Variants in BICC1 observed in about 807,000 individuals in gnomAD.
The protein encoded by BICC1 is protein bicaudal C homolog 1.
BICC1 carries 43 observed loss-of-function variants against 111.0 expected under a neutral mutation model. That is an observed-to-expected ratio of 0.39 (90% CI 0.30 to 0.50). BICC1 has a LOEUF of 0.50. Ranked by LOEUF, BICC1 falls within the 20% of genes least tolerant of loss-of-function variation. The pLI is 0.88. For synonymous variants in BICC1, 467 were observed against 434.4 expected, an observed-to-expected ratio of 1.07 and a Z score of -0.93; for missense variants, 1,091 against 1,203.2, an observed-to-expected ratio of 0.91 and a Z score of 1.38.
chr10:58,564,508 G>A (rs562228444), intron 1 of BICC1, among the ~76,000 whole-genome samples: 16 of 152,346 alleles, frequency 1.1e-4, no homozygotes, highest in African/African-American at 3.8e-4. Flanking sequence ...CAGTGAGCAA[G>A]AGGTTGATTT....
chr10:58,651,060 C>T (rs970308257), intron 2 of BICC1, among the ~76,000 whole-genome samples: 4 of 152,082 alleles, frequency 2.6e-5, no homozygotes, highest in East Asian at 1.9e-4. Context: ...CTTTTGTAGA[C>T]GATGAGGAAT....
intron 7 of BICC1, 44 bp downstream of exon 7, chr10:58,789,500 A>G: frequency 6.5e-7 from 1 of 1,540,060 alleles, no homozygotes; most frequent in Non-Finnish European, 8.8e-7. Flanking sequence ...TGTACAAGTT[A>G]CATGAGTTTC....
chr10:58,687,676 G>A (rs542303471), intron 2 of BICC1, among the ~76,000 whole-genome samples: 11 of 152,336 alleles, frequency 7.2e-5, no homozygotes, highest in African/African-American at 2.2e-4. Flanking sequence ...AGCCTGGCAC[G>A]GGATATAATC....
intron 1 of BICC1, among the ~76,000 whole-genome samples, chr10:58,528,377 A>G (rs1237514812): frequency 6.6e-6 from 1 of 151,918 alleles, no homozygotes; most frequent in African/African-American, 2.4e-5. Context: ...AGCGAGGTTA[A>G]TGTTAATTAT....
At position 58,610,563 on chromosome 10, in the gene BICC1, A is replaced by G. The variant is rs77725717; in HGVS notation, c.191-10292A>G. ...CTCAAAGGATGTCTTGGATGGTTCA[A>G]TTATTGGCCCATCCTCTTGTCCCAA... On this transcript the variant is annotated intron_variant, in intron 1 of 20. Transcript: ENST00000373886. Among the ~76,000 whole-genome samples the G allele has an allele frequency of 2.3e-3, 355 of 151,914 alleles. 4 individuals are homozygous for G. The highest frequency in any genetic ancestry group is 7.9e-3 in the African/African-American group (328 of 41,430).
chr10:58,709,955 G>A (rs1840521895), intron 3 of BICC1, among the ~76,000 whole-genome samples: 1 of 152,132 alleles, frequency 6.6e-6, no homozygotes, highest in African/African-American at 2.4e-5. Flanking sequence ...CAGCCTCCTG[G>A]TAGACCTCCA....
intron 1 of BICC1, among the ~76,000 whole-genome samples, chr10:58,615,409 C>T (rs1281414111): frequency 6.6e-6 from 1 of 152,118 alleles, no homozygotes; most frequent in Non-Finnish European, 1.5e-5. Flanking sequence ...AGTGCAGGCT[C>T]CCAACTCCAC....
At chr10:58,534,430 C>T (rs942050766) in intron 1 of BICC1, among the ~76,000 whole-genome samples, 1 of 151,718 alleles carries the variant, frequency 6.6e-6, no homozygotes, top group Non-Finnish European at 1.5e-5. Flanking sequence ...ATCACTACTA[C>T]AACGAGCATC....
intron 3 of BICC1, among the ~76,000 whole-genome samples, chr10:58,718,742 A>ATGTGTGTG (rs371273354): frequency 0.04 from 5,973 of 148,434 alleles, 253 homozygotes; most frequent in African/African-American, 0.11. Context: ...TAGCATGGAA[A>ATGTGTGTG]TGTGTGTGTG....
chr10:58,676,871 T>G (rs1406946516), intron 2 of BICC1, among the ~76,000 whole-genome samples: 1 of 152,200 alleles, frequency 6.6e-6, no homozygotes, highest in Non-Finnish European at 1.5e-5. Context: ...TAATTTTTGC[T>G]GTTCTGCAGC....
intron 3 of BICC1, among the ~76,000 whole-genome samples, chr10:58,743,685 C>A (rs912879590): frequency 6.6e-6 from 1 of 151,928 alleles, no homozygotes; most frequent in Non-Finnish European, 1.5e-5. Context: ...TGCTAGGCAG[C>A]AGAATCCCCC....
At chr10:58,774,129 A>G (rs571689347) in intron 3 of BICC1, among the ~76,000 whole-genome samples, 2 of 152,192 alleles carry the variant, frequency 1.3e-5, no homozygotes, top group African/African-American at 4.8e-5. Flanking sequence ...AGTTAACCCC[A>G]TCATTACGTA....
At chr10:58,532,610 A>G (rs565357767) in intron 1 of BICC1, among the ~76,000 whole-genome samples, 1 of 151,994 alleles carries the variant, frequency 6.6e-6, no homozygotes, top group Admixed American at 6.6e-5. Flanking sequence ...GACCATCCAC[A>G]TCAATTTATG....
At chr10:58,672,103 A>G (rs1839202246) in intron 2 of BICC1, among the ~76,000 whole-genome samples, 1 of 152,174 alleles carries the variant, frequency 6.6e-6, no homozygotes, top group Non-Finnish European at 1.5e-5. Flanking sequence ...CATGAAATTT[A>G]CCATTTTAAC....
intron 2 of BICC1, among the ~76,000 whole-genome samples, chr10:58,641,084 A>G (rs1473741649): frequency 6.6e-6 from 1 of 152,214 alleles, no homozygotes; most frequent in African/African-American, 2.4e-5. Flanking sequence ...ACAATAATAC[A>G]TTCCTTAGAG....
intron 1 of BICC1, among the ~76,000 whole-genome samples, chr10:58,530,910 C>G (rs1418103996): frequency 2.0e-5 from 3 of 151,742 alleles, no homozygotes; most frequent in African/African-American, 7.3e-5. Context: ...AATATGTGGT[C>G]CAATAAAGCC....
chr10:58,693,408 T>C (rs961956829), intron 2 of BICC1, among the ~76,000 whole-genome samples: 2 of 152,206 alleles, frequency 1.3e-5, no homozygotes, highest in Non-Finnish European at 2.9e-5. Flanking sequence ...ATGGTATTTC[T>C]AGTTCTAGAT....
Position 58,685,480 on chromosome 10 carries a change from C to T in BICC1, c.238-16594C>T, listed in dbSNP as rs1304399871. 1.3e-4 allele frequency among the ~76,000 whole-genome samples: 20 copies of T among 152,172 alleles called. 2 individuals are homozygous for T. Among genetic ancestry groups the T allele is most frequent in the East Asian group, 1.9e-4 (1 of 5,162 alleles). ...TTGACAGTAGGGTGTTAAAATCTTC[C>T]GTTATTATTTTGTGGGAGTCTAAGT... On this transcript the variant is annotated intron_variant, in intron 2 of 20. Coordinates refer to ENST00000373886, the MANE Select transcript of BICC1 (RefSeq NM_001080512.3).
chr10:58,682,864 G>T (rs1202341830), intron 2 of BICC1, among the ~76,000 whole-genome samples: 1 of 152,000 alleles, frequency 6.6e-6, no homozygotes, highest in Non-Finnish European at 1.5e-5. Context: ...TTCTTTTGCT[G>T]TGTGCAGAAG....
Sources: allele counts gnomAD v4.1 joint callset (sites outside exome capture counted in the v4.1 genomes callset), GRCh38; gene constraint gnomAD v4.1.1; transcripts MANE v1.5; gene names NCBI Gene and HGNC (gene_info 2026-07-23, HGNC 2026-07-21).